PCDHGA11: variants seen among roughly 807,000 people sequenced by gnomAD.
PCDHGA11 encodes protocadherin gamma-A11.
In PCDHGA11, 39 loss-of-function variants were observed where a neutral mutation model predicts 60.4. The ratio of observed to expected loss-of-function variants is 0.65; its 90% CI spans 0.50 to 0.84. PCDHGA11 has a LOEUF of 0.84. Ranked by LOEUF, PCDHGA11 falls within the 40% of genes least tolerant of loss-of-function variation. The pLI is 0.00. For missense variants in PCDHGA11, 1,165 were observed against 1,197.7 expected (o/e 0.97, Z 0.40); for synonymous variants, 533 against 510.3 (o/e 1.04, Z -0.60).
In PCDHGA11 at chr5:141,490,951, T is replaced by C. The variant is rs778168052; in HGVS notation, c.2434-3856T>C. 20 of 1,613,640 alleles carry C rather than the reference T, an allele frequency of 1.2e-5. No homozygotes were observed. Among genetic ancestry groups the C allele is most frequent in the Middle Eastern group, 1.6e-4 (1 of 6,084 alleles). On this transcript the variant is annotated intron_variant, in intron 1 of 3. Coordinates refer to ENST00000398587, the MANE Select transcript of PCDHGA11 (RefSeq NM_018914.3). This position sits in a 1 kb window ranked among gnomAD's most constrained non-coding sequence, Gnocchi z 5.4. The stretch of plus-strand genomic sequence containing the variant: ...AGCTGTGCTGCACCCACGGCCAGAC[T>C]GGGAACACTCAGCCCCCCAGCGTCT...
chr5:141,448,915 A>T (rs2098616551), intron 1 of PCDHGA11, among the ~76,000 whole-genome samples: 1 of 152,238 alleles, frequency 6.6e-6, no homozygotes. Context: ...ACTGCACTCC[A>T]GCCTGGGCGA....
rs568314069 is a variant in PCDHGA11 at position 141,486,371 on chromosome 5, G to C, written c.2434-8436G>C. 53 of 1,614,138 alleles carry C rather than the reference G, an allele frequency of 3.3e-5. 2 individuals are homozygous for C. The South Asian group carries it at 5.3e-4, about 16-fold the overall frequency. Reference sequence around the variant, plus strand: ...CCACTTGCCATTTGCCCTCAAGTCTGCCTTCAGGAACCAGTTCTCCCTGGT... The same window carrying C: ...CCACTTGCCATTTGCCCTCAAGTCTCCCTTCAGGAACCAGTTCTCCCTGGT... On this transcript the variant is annotated intron_variant, in intron 1 of 3. Transcript: ENST00000398587. The surrounding 1 kb of genome is among the most constrained non-coding windows in gnomAD (Gnocchi z 5.0).
At chr5:141,426,037 G>A (rs2096911238) in intron 1 of PCDHGA11, among the ~76,000 whole-genome samples, 1 of 152,176 alleles carries the variant, frequency 6.6e-6, no homozygotes, top group South Asian at 2.1e-4. Flanking sequence ...TCAGAGCCCT[G>A]CTGTTGGCCA....
intron 1 of PCDHGA11, chr5:141,440,430 G>A (rs965990102): frequency 6.6e-6 from 1 of 152,196 alleles, no homozygotes; most frequent in African/African-American, 2.4e-5. Flanking sequence ...CTGGGTGACA[G>A]AGCAAGGCGC....
intron 1 of PCDHGA11, chr5:141,478,188 C>T (rs770414950): frequency 4.3e-6 from 7 of 1,613,920 alleles, no homozygotes; most frequent in Non-Finnish European, 5.9e-6. Flanking sequence ...AAAAATCTCA[C>T]CTTTTATCTA....
rs371619613 is a variant in PCDHGA11 at position 141,444,258 on chromosome 5, G to A, written c.2433+20598G>A. The stretch of plus-strand genomic sequence containing the variant: ...ATGCTCTCGGCTCACTGCAACCTCC[G>A]CCTCCCAGGTTCAAGTGATTCTCCT... On this transcript the variant is annotated intron_variant, in intron 1 of 3. Coordinates refer to ENST00000398587, the MANE Select transcript of PCDHGA11 (RefSeq NM_018914.3). 1.3e-4 allele frequency among the ~76,000 whole-genome samples: 16 copies of A among 127,752 alleles called. No homozygotes were observed. The South Asian group carries it at 2.7e-3, about 21-fold the overall frequency. The allele number at this position is 127,752 out of a possible 152,430, so 83.8% of individuals were successfully genotyped here.
rs1226558966 is a variant in PCDHGA11, at chr5:141,432,589, G to C, written c.2433+8929G>C. The C allele has an allele frequency of 6.2e-7, 1 of 1,613,916 alleles. No homozygotes were observed. The highest frequency in any genetic ancestry group is 8.5e-7 in the Non-Finnish European group (1 of 1,179,974). The stretch of plus-strand genomic sequence containing the variant: ...CCTGGCTGTCCTACCGTCTGCTCAA[G>C]GCCAGCGAGCCGGGACTCTTCTCGG... On this transcript the variant is annotated intron_variant, in intron 1 of 3. Coordinates refer to ENST00000398587, the MANE Select transcript of PCDHGA11 (RefSeq NM_018914.3). The surrounding 1 kb of genome is among the most constrained non-coding windows in gnomAD (Gnocchi z 6.0).
At position 141,476,409 on chromosome 5, in the gene PCDHGA11, G is replaced by A. The variant is rs1226666958; in HGVS notation, c.2434-18398G>A. The A allele has an allele frequency of 6.2e-7, 1 of 1,614,154 alleles. No homozygotes were observed. The highest frequency in any genetic ancestry group is 1.7e-5 in the Admixed American group (1 of 60,030). ...GACCGTCTGGATCGAGAGGAGCTGT[G>A]TGGGACACTGCCCTCTTGCACTGTA... is the stretch of plus-strand genomic sequence containing the variant. On this transcript the variant is annotated intron_variant, in intron 1 of 3. Coordinates refer to ENST00000398587, the MANE Select transcript of PCDHGA11 (RefSeq NM_018914.3). The surrounding 1 kb of genome is among the most constrained non-coding windows in gnomAD (Gnocchi z 7.6).
chr5:141,500,835 A>G (rs965204931), intron 2 of PCDHGA11, among the ~76,000 whole-genome samples: 13 of 152,118 alleles, frequency 8.5e-5, no homozygotes, highest in African/African-American at 3.1e-4. Context: ...TCTAATGCTA[A>G]TGGGCTTTTG....
At chr5:141,473,779 T>C (rs2099328680) in intron 1 of PCDHGA11, among the ~76,000 whole-genome samples, 1 of 152,204 alleles carries the variant, frequency 6.6e-6, no homozygotes, top group Non-Finnish European at 1.5e-5. Context: ...GGTATTTTAA[T>C]TCAAGAGCAG....
chr5:141,496,467 T>A (rs1334392771), intron 2 of PCDHGA11, among the ~76,000 whole-genome samples: 1 of 152,056 alleles, frequency 6.6e-6, no homozygotes, highest in Non-Finnish European at 1.5e-5. Context: ...GAGTTATCTT[T>A]CCCCCATCCT....
At chr5:141,459,603 A>G (rs867387156) in intron 1 of PCDHGA11, among the ~76,000 whole-genome samples, 1 of 152,244 alleles carries the variant, frequency 6.6e-6, no homozygotes, top group Non-Finnish European at 1.5e-5. Flanking sequence ...AATGGGAAGT[A>G]TATGCTTAAC....
intron 2 of PCDHGA11, among the ~76,000 whole-genome samples, chr5:141,502,352 C>G (rs544911376): frequency 3.2e-4 from 49 of 151,888 alleles, no homozygotes; most frequent in African/African-American, 1.2e-3. Flanking sequence ...TTTTTAATGA[C>G]ATGGATATTT....
At chr5:141,507,084 T>G (rs2099858284) in intron 3 of PCDHGA11, 1 of 152,142 alleles carries the variant, frequency 6.6e-6, no homozygotes, top group African/African-American at 2.4e-5. Flanking sequence ...ACTCCTAAGT[T>G]TATGCTCTTT....
intron 1 of PCDHGA11, chr5:141,478,272 A>G: frequency 6.2e-7 from 1 of 1,614,160 alleles, no homozygotes; most frequent in Non-Finnish European, 8.5e-7. Context: ...AAAGTTTACA[A>G]GTGGAAGCAG....
intron 2 of PCDHGA11, among the ~76,000 whole-genome samples, chr5:141,502,500 G>A (rs1398797155): frequency 6.6e-6 from 1 of 152,046 alleles, no homozygotes; most frequent in Non-Finnish European, 1.5e-5. Context: ...ATCTAACGTC[G>A]GCCTGTCCCA....
At position 141,486,364 on chromosome 5, in the gene PCDHGA11, C is replaced by T; in HGVS notation, c.2434-8443C>T. 1 of 1,614,068 alleles carries T rather than the reference C, an allele frequency of 6.2e-7. No homozygotes were observed. The highest frequency in any genetic ancestry group is 1.1e-5 in the South Asian group (1 of 91,074). On this transcript the variant is annotated intron_variant, in intron 1 of 3. Transcript: ENST00000398587. The surrounding 1 kb of genome is among the most constrained non-coding windows in gnomAD (Gnocchi z 5.0). ...TTCCTGACCACTTGCCATTTGCCCT[C>T]AAGTCTGCCTTCAGGAACCAGTTCT...
At position 141,487,080 on chromosome 5, in the gene PCDHGA11, C is replaced by G. The variant is rs2154580766; in HGVS notation, c.2434-7727C>G. 1 of 1,614,126 alleles carries G rather than the reference C, an allele frequency of 6.2e-7. No individual in the cohort carries two copies. Among genetic ancestry groups the G allele is most frequent in the East Asian group, 2.2e-5 (1 of 44,872 alleles). On this transcript the variant is annotated intron_variant, in intron 1 of 3. Coordinates refer to ENST00000398587, the MANE Select transcript of PCDHGA11 (RefSeq NM_018914.3). This position sits in a 1 kb window ranked among gnomAD's most constrained non-coding sequence, Gnocchi z 5.0. ...GTGCGGACGGCTGTTCCTATCCCAG[C>G]TGACCTCCCACCACAGAAGCTGGTC...
chr5:141,476,551 C>G lies in PCDHGA11; in HGVS notation c.2434-18256C>G, dbSNP rs367700651. ...CCCAGGAAATGAAATTGGAGATTAG[C>G]GAGGCCGTGGCTCCGGGGACGCGCT... On this transcript the variant is annotated intron_variant, in intron 1 of 3. Transcript: ENST00000398587. The surrounding 1 kb of genome is among the most constrained non-coding windows in gnomAD (Gnocchi z 7.6). 128 of 1,614,078 alleles carry G rather than the reference C, an allele frequency of 7.9e-5. No homozygotes were observed. Among genetic ancestry groups the G allele is most frequent in the Non-Finnish European group, 1.0e-4 (122 of 1,180,034 alleles).
Sources: gnomAD v4.1 joint callset for allele counts (sites outside exome capture counted in the v4.1 genomes callset) on GRCh38, gnomAD v4.1.1 for gene constraint, Gnocchi (gnomAD v3.1) non-coding constraint, MANE v1.5 for transcripts, NCBI Gene and HGNC (gene_info 2026-07-23, HGNC 2026-07-21) for gene names.